The following MAP7 variants were observed in gnomAD, a reference collection of about 807,000 sequenced individuals.
The protein encoded by MAP7 is microtubule associated protein 7.
In MAP7, 52 loss-of-function variants were observed where a neutral mutation model predicts 94.8. The ratio of observed to expected loss-of-function variants is 0.55; its 90% confidence interval spans 0.44 to 0.69. MAP7 has a LOEUF of 0.69. MAP7 is among the 30% of genes least tolerant of loss of function. The pLI is 0.00. For missense variants in MAP7, 940 were observed against 964.6 expected (o/e 0.97, Z 0.34); for synonymous variants, 350 against 357.0 (o/e 0.98, Z 0.22).
intron 6 of MAP7, among the ~76,000 whole-genome samples, chr6:136,381,919 C>CACACACACACAG (rs373754692): frequency 0.089 from 9,095 of 102,396 alleles, 635 homozygotes; most frequent in Admixed American, 0.1. Flanking sequence ...CACACACACA[C>CACACACACACAG]AGAGAGAGAG....
intron 6 of MAP7, among the ~76,000 whole-genome samples, chr6:136,378,324 A>T (rs1030888473): frequency 6.6e-6 from 1 of 152,212 alleles, no homozygotes; most frequent in Admixed American, 6.5e-5. Flanking sequence ...TTAATGAAAG[A>T]CGAGTTAAAT....
chr6:136,402,449 G>A (rs1784350964), intron 3 of MAP7, among the ~76,000 whole-genome samples: 1 of 152,164 alleles, frequency 6.6e-6, no homozygotes, highest in Admixed American at 6.5e-5. Context: ...GTGTGACCTT[G>A]GAGGATCCCC....
chr6:136,412,302 A>G (rs1348559901), intron 2 of MAP7, among the ~76,000 whole-genome samples: 2 of 152,156 alleles, frequency 1.3e-5, no homozygotes, highest in African/African-American at 2.4e-5. Context: ...CTGAACATCT[A>G]CTGTGTGCTA....
intron 1 of MAP7, among the ~76,000 whole-genome samples, chr6:136,505,928 A>G (rs1265979446): frequency 6.6e-6 from 1 of 152,172 alleles, no homozygotes; most frequent in Non-Finnish European, 1.5e-5. Context: ...GTGTATGTTG[A>G]TATAATCTTT....
In MAP7 at chr6:136,343,353, T is replaced by C. The variant is rs752228250; in HGVS notation, c.*875A>G. Reference sequence around the variant, plus strand: ...AATCTTTATTTTCCCCAACATAATTTGTGATCAGGTAAGGCAAAGATAAGT... The same window carrying C: ...AATCTTTATTTTCCCCAACATAATTCGTGATCAGGTAAGGCAAAGATAAGT... On this transcript the variant is annotated 3_prime_UTR_variant, in exon 18 of 18. Coordinates refer to ENST00000354570, the MANE Select transcript of MAP7 (RefSeq NM_003980.6). The C allele has an allele frequency of 2.0e-5, 3 of 152,628 alleles. No homozygotes were observed. Among genetic ancestry groups the C allele is most frequent in the Non-Finnish European group, 4.4e-5 (3 of 68,034 alleles). 9.5% of individuals were successfully genotyped at this position (152,628 alleles called of 1,614,324 possible).
At chr6:136,492,714 T>A (rs934920107) in intron 1 of MAP7, among the ~76,000 whole-genome samples, 2 of 152,154 alleles carry the variant, frequency 1.3e-5, no homozygotes, top group Non-Finnish European at 2.9e-5. Context: ...TTATGCATCT[T>A]AACTTAGCTA....
chr6:136,472,761 A>C (rs1219754123), intron 1 of MAP7, among the ~76,000 whole-genome samples: 1 of 152,176 alleles, frequency 6.6e-6, no homozygotes, highest in Admixed American at 6.6e-5. Context: ...TCTAGGCTTA[A>C]ACCAGCATTA....
At chr6:136,441,628 A>T (rs1471889160) in intron 1 of MAP7, among the ~76,000 whole-genome samples, 2 of 152,200 alleles carry the variant, frequency 1.3e-5, no homozygotes, top group Non-Finnish European at 2.9e-5. Flanking sequence ...AGACCAGGGC[A>T]TGAAACTTCA....
chr6:136,343,200 T>A lies in MAP7; in HGVS notation c.*1028A>T, dbSNP rs569762822. 1.0e-4 allele frequency: 16 copies of A among 152,798 alleles called. No homozygotes were observed. The highest frequency in any genetic ancestry group is 3.6e-4 in the African/African-American group (15 of 41,596). 9.5% of individuals were successfully genotyped at this position (152,798 alleles called of 1,614,324 possible). On this transcript the variant is annotated 3_prime_UTR_variant, in exon 18 of 18. Coordinates refer to ENST00000354570, the MANE Select transcript of MAP7 (RefSeq NM_003980.6). ...GAATGAAAGGTGAAAAGCTGACAGA[T>A]GCCACGCAGAGCAAGGACTTCCATG...
intron 3 of MAP7, among the ~76,000 whole-genome samples, chr6:136,402,132 C>G (rs1013542327): frequency 5.3e-5 from 8 of 152,196 alleles, no homozygotes; most frequent in Non-Finnish European, 1.2e-4. Context: ...CTCAGAAGCT[C>G]CTTCCTCTGA....
intron 1 of MAP7, among the ~76,000 whole-genome samples, chr6:136,467,055 T>C (rs1006677523): frequency 3.9e-5 from 6 of 152,146 alleles, no homozygotes; most frequent in Non-Finnish European, 8.8e-5. Flanking sequence ...CCAGTGAAGC[T>C]CAAATGGCTA....
At chr6:136,367,208 C>A (rs933510202) in intron 8 of MAP7, among the ~76,000 whole-genome samples, 1 of 152,160 alleles carries the variant, frequency 6.6e-6, no homozygotes, top group Non-Finnish European at 1.5e-5. Flanking sequence ...GAGAAGTGTT[C>A]CACTACTCTA....
chr6:136,504,210 G>T (rs776086321), intron 1 of MAP7, among the ~76,000 whole-genome samples: 2 of 152,054 alleles, frequency 1.3e-5, no homozygotes, highest in Non-Finnish European at 2.9e-5. Context: ...GGGCTGCAAG[G>T]GTACATATTA....
chr6:136,445,288 T>C (rs78854600), intron 1 of MAP7, among the ~76,000 whole-genome samples: 4,474 of 152,198 alleles, frequency 0.029, 162 homozygotes, highest in East Asian at 0.14. Context: ...GCTGCTGCAA[T>C]GAACCTGTAC....
At chr6:136,399,124 A>G (rs983294574) in intron 3 of MAP7, among the ~76,000 whole-genome samples, 2 of 152,194 alleles carry the variant, frequency 1.3e-5, no homozygotes. Context: ...CAGTAATATA[A>G]TGAAGAGTCA....
intron 1 of MAP7, among the ~76,000 whole-genome samples, chr6:136,442,860 G>T (rs187386115): frequency 6.6e-6 from 1 of 152,246 alleles, no homozygotes; most frequent in East Asian, 1.9e-4. Context: ...CCACAAAAGG[G>T]TTTTAACAGT....
At chr6:136,513,482 C>A (rs1046674025) in intron 1 of MAP7, among the ~76,000 whole-genome samples, 2 of 152,214 alleles carry the variant, frequency 1.3e-5, no homozygotes, top group African/African-American at 4.8e-5. Flanking sequence ...CATCTTCAGG[C>A]TCTACTTCTA....
intron 13 of MAP7, 87 bp downstream of exon 13, chr6:136,360,610 A>G: frequency 9.2e-7 from 1 of 1,091,632 alleles, no homozygotes; most frequent in Non-Finnish European, 1.4e-6. Context: ...CAAGGGTAGA[A>G]CACGCGTTTT....
At chr6:136,522,718 TTTGGGAATA>T (rs1826759487) in intron 1 of MAP7, among the ~76,000 whole-genome samples, 3 of 152,202 alleles carry the variant, frequency 2.0e-5, no homozygotes, top group Non-Finnish European at 4.4e-5. Context: ...GCTATGATGC[TTTGGGAATA>T]CTTAATTTAG....
Sources: allele counts gnomAD v4.1 joint callset (sites outside exome capture counted in the v4.1 genomes callset), GRCh38; gene constraint gnomAD v4.1.1; transcripts MANE v1.5; gene names NCBI Gene and HGNC (gene_info 2026-07-23, HGNC 2026-07-21).